PLAAT3: variants seen among roughly 807,000 people sequenced by gnomAD.
PLAAT3 encodes the protein phospholipase A and acyltransferase 3.
PLAAT3 carries 21 observed loss-of-function variants against 16.7 expected under a neutral mutation model. The ratio of observed to expected loss-of-function variants is 1.26; its 90% CI spans 0.89 to 1.81. PLAAT3 has a LOEUF of 1.81. Ranked by LOEUF, PLAAT3 falls within the 40% of genes most tolerant of loss-of-function variation. The probability of loss-of-function intolerance (pLI) is 0.00; values close to 1 mark genes in which losing one functional copy is unlikely to be tolerated. For missense variants in PLAAT3, 219 were observed against 213.7 expected, an observed-to-expected ratio of 1.02 and a Z score of -0.16; for synonymous variants, 76 against 81.7, an observed-to-expected ratio of 0.93 and a Z score of 0.38.
chr11:63,611,633 A>G lies in PLAAT3; in HGVS notation c.15+2367T>C, dbSNP rs573943390. On this transcript the variant is annotated intron_variant, in intron 2 of 4. Coordinates refer to ENST00000415826, the MANE Select transcript of PLAAT3 (RefSeq NM_001128203.2). ...TCCATTTATACAGTTTATGTAGCCA[A>G]TCTCTGTGGTCCTGCATTTTCCTGT... Among the ~76,000 whole-genome samples the G allele has an allele frequency of 1.1e-3, 171 of 152,330 alleles. 1 individual carries two copies. Among genetic ancestry groups the G allele is most frequent in the African/African-American group, 3.9e-3 (164 of 41,580 alleles).
intron 2 of PLAAT3, among the ~76,000 whole-genome samples, chr11:63,606,755 C>T (rs1243805503): frequency 6.6e-6 from 1 of 150,600 alleles, no homozygotes; most frequent in Non-Finnish European, 1.5e-5. Context: ...CCAACGAGGC[C>T]GGAGTAGGCG....
intron 4 of PLAAT3, among the ~76,000 whole-genome samples, chr11:63,579,092 C>T (rs998844029): frequency 1.3e-5 from 2 of 152,188 alleles, no homozygotes; most frequent in Admixed American, 6.5e-5. Context: ...TCAAAGGAGA[C>T]ATTTATGCAG....
chr11:63,583,196 T>C (rs1460518491), intron 4 of PLAAT3, among the ~76,000 whole-genome samples: 1 of 152,198 alleles, frequency 6.6e-6, no homozygotes, highest in Non-Finnish European at 1.5e-5. Context: ...GCTACCAACC[T>C]GAGGTTTGAC....
intron 3 of PLAAT3, among the ~76,000 whole-genome samples, chr11:63,597,842 A>AC (rs1213213416): frequency 6.6e-6 from 1 of 152,078 alleles, no homozygotes; most frequent in African/African-American, 2.4e-5. Context: ...GAGGTTGGGG[A>AC]CCCCTGCTCT....
At position 63,590,271 on chromosome 11, in the gene PLAAT3, G is replaced by A; in HGVS notation, c.216C>T (p.Asp72=). Residue 72 remains aspartate (D), a synonymous_variant, in exon 4 of 5, where the codon GAC becomes GAT. Coordinates refer to ENST00000415826, the MANE Select transcript of PLAAT3 (RefSeq NM_001128203.2). ...CATGTTTGTTGTTGACCTGGTACTT[G>A]TCACTCCCGGCCACATCATACAGCA... ...KELLYDVAGS[D]KYQVNNKHDD... is the part of the protein sequence containing the mutation. The A allele has an allele frequency of 1.2e-6, 2 of 1,614,222 alleles. No individual in the cohort carries two copies. The highest frequency in any genetic ancestry group is 1.7e-6 in the Non-Finnish European group (2 of 1,180,016).
rs114711566 is a variant in PLAAT3 at position 63,595,515 on chromosome 11, G to A, written c.118+2546C>T. ...AGCCAGACACAAAAGAGCACGGGCC[G>A]TGTGATACCTCTTCCATGAAGTTCT... On this transcript the variant is annotated intron_variant, in intron 3 of 4. Coordinates refer to ENST00000415826, the MANE Select transcript of PLAAT3 (RefSeq NM_001128203.2). 4.6e-3 allele frequency among the ~76,000 whole-genome samples: 701 copies of A among 152,256 alleles called. 4 individuals carry two copies. The highest frequency in any genetic ancestry group is 0.016 in the African/African-American group (648 of 41,534).
At chr11:63,599,786 G>A (rs1938378167) in intron 2 of PLAAT3, among the ~76,000 whole-genome samples, 1 of 152,028 alleles carries the variant, frequency 6.6e-6, no homozygotes, top group South Asian at 2.1e-4. Flanking sequence ...ATTTAAACAG[G>A]GATCTCCTCA....
chr11:63,615,296 ATG>A (rs1345834177), upstream of PLAAT3, among the ~76,000 whole-genome samples: 3 of 17,838 alleles, frequency 1.7e-4, 1 homozygote, highest in Middle Eastern at 0.033. Context: ...GTGTATATAT[ATG>A]TGTGTATATA....
At chr11:63,589,960 TCC>T (rs869208949) in intron 4 of PLAAT3, 138 bp downstream of exon 4, 8 of 238,362 alleles carry the variant, frequency 3.4e-5, no homozygotes, top group African/African-American at 4.1e-4. Flanking sequence ...CCCACCCTTG[TCC>T]CAACTGTGAC....
chr11:63,616,500 T>C (rs1938876953), upstream of PLAAT3: 1 of 152,022 alleles, frequency 6.6e-6, no homozygotes, highest in Non-Finnish European at 1.5e-5. Context: ...TGGACTCAAG[T>C]GATCCTCCCT....
intron 3 of PLAAT3, among the ~76,000 whole-genome samples, chr11:63,597,253 G>A (rs542641340): frequency 7.9e-5 from 12 of 152,218 alleles, no homozygotes; most frequent in East Asian, 5.8e-4. Flanking sequence ...GGCCGGGCGC[G>A]GTGGCTCACG....
chr11:63,592,386 C>T (rs1590690521), intron 3 of PLAAT3, among the ~76,000 whole-genome samples: 1 of 99,180 alleles, frequency 1.0e-5, no homozygotes, highest in African/African-American at 2.7e-5. Context: ...AGGCTGGTCT[C>T]GAACTCAAGC....
chr11:63,609,236 T>A (rs1054981118), intron 2 of PLAAT3, among the ~76,000 whole-genome samples: 8 of 152,208 alleles, frequency 5.3e-5, no homozygotes, highest in African/African-American at 1.9e-4. Context: ...AAGCCTGTGA[T>A]AAATGGAAAG....
At position 63,575,130 on chromosome 11, in the gene PLAAT3, G is replaced by A; in HGVS notation, c.388-84C>T. On this transcript the variant is annotated intron_variant, in intron 4 of 4. Coordinates refer to ENST00000415826, the MANE Select transcript of PLAAT3 (RefSeq NM_001128203.2). The stretch of plus-strand genomic sequence containing the variant: ...CATTCAGCAGAAACATTCAGCTCGG[G>A]ATACCTCACATGCCCCTTGGCCTCC... The A allele has an allele frequency of 3.3e-6, 3 of 920,264 alleles. No individual in the cohort carries two copies. In the Admixed American group the frequency reaches 5.7e-5, roughly 18 times the overall value. 57.0% of individuals were successfully genotyped at this position (920,264 alleles called of 1,614,324 possible).
chr11:63,611,546 A>G (rs1026270392), intron 2 of PLAAT3, among the ~76,000 whole-genome samples: 1 of 152,208 alleles, frequency 6.6e-6, no homozygotes, highest in Non-Finnish European at 1.5e-5. Flanking sequence ...CCTGAAACAC[A>G]CAGACTCAGC....
intron 2 of PLAAT3, among the ~76,000 whole-genome samples, chr11:63,610,497 G>A (rs115340157): frequency 0.017 from 2,585 of 152,330 alleles, 72 homozygotes; most frequent in African/African-American, 0.059. Flanking sequence ...GTATGGTGGA[G>A]GGATGCACGG....
At chr11:63,591,893 C>A (rs1194063066) in intron 3 of PLAAT3, among the ~76,000 whole-genome samples, 2 of 152,144 alleles carry the variant, frequency 1.3e-5, no homozygotes, top group African/African-American at 2.4e-5. Context: ...TTGCCTAGAG[C>A]CCAAAGTTTA....
chr11:63,598,803 C>T (rs1337477616), intron 2 of PLAAT3: 1 of 482,758 alleles, frequency 2.1e-6, no homozygotes, highest in Non-Finnish European at 4.1e-6. Context: ...CAGTCTCCAG[C>T]AGTAATGTCC....
chr11:63,585,318 C>T (rs1187499723), intron 4 of PLAAT3, among the ~76,000 whole-genome samples: 4 of 152,140 alleles, frequency 2.6e-5, no homozygotes, highest in Non-Finnish European at 4.4e-5. Flanking sequence ...CCACTGCGCC[C>T]GGCCAGAAGT....
Sources: gnomAD v4.1 joint callset for allele counts (sites outside exome capture counted in the v4.1 genomes callset) on GRCh38, gnomAD v4.1.1 for gene constraint, MANE v1.5 for transcripts, NCBI Gene and HGNC (gene_info 2026-07-23, HGNC 2026-07-21) for gene names.